NBEAL1: variants seen among roughly 807,000 people sequenced by gnomAD.
NBEAL1 encodes neurobeachin like 1, also known as neurobeachin-like protein 1.
NBEAL1 carries 273 observed loss-of-function variants against 351.3 expected under a neutral mutation model. The observed-to-expected ratio is 0.78, with a 90% confidence interval of 0.70 to 0.86. The LOEUF (loss-of-function observed/expected upper bound fraction) is 0.86, where lower values mean the gene tolerates loss of function less well. Among genes scored for constraint, NBEAL1 ranks in the 40% least tolerant of loss-of-function variants. NBEAL1 has a pLI of 0.00. For synonymous variants in NBEAL1, 1,050 were observed against 1,086.4 expected (o/e 0.97, Z 0.66); for missense variants, 2,961 against 3,201.3 (o/e 0.92, Z 1.81).
intron 52 of NBEAL1, 91 bp from the exon 53 acceptor site, chr2:203,209,070 C>T (rs2065694911): frequency 9.5e-7 from 1 of 1,050,238 alleles, no homozygotes; most frequent in East Asian, 2.5e-5. Context: ...GTTCCTTTCC[C>T]ACATTTCTTT....
At chr2:203,021,083 G>T (rs1020210159) in intron 2 of NBEAL1, among the ~76,000 whole-genome samples, 10 of 151,932 alleles carry the variant, frequency 6.6e-5, no homozygotes, top group Non-Finnish European at 1.3e-4. Flanking sequence ...CATGCCACCA[G>T]GCCCAGCTAA....
intron 20 of NBEAL1, among the ~76,000 whole-genome samples, 155 bp downstream of exon 20, chr2:203,125,675 T>TA (rs538189404): frequency 3.9e-5 from 6 of 152,208 alleles, no homozygotes; most frequent in Non-Finnish European, 8.8e-5. Flanking sequence ...AGAAAGTTTA[T>TA]AATACTTTCA....
chr2:203,045,030 A>T (rs1166619431), intron 3 of NBEAL1, among the ~76,000 whole-genome samples: 1 of 152,208 alleles, frequency 6.6e-6, no homozygotes, highest in Non-Finnish European at 1.5e-5. Context: ...TTAAATGCTC[A>T]TAACGTTAGG....
Position 203,157,842 on chromosome 2 carries a change from A to T in NBEAL1, c.5714+17A>T. 1 of 1,490,078 alleles carries T rather than the reference A, an allele frequency of 6.7e-7. No individual in the cohort carries two copies. The highest frequency in any genetic ancestry group is 1.4e-5 in the South Asian group (1 of 70,630). The allele number at this position is 1,490,078 out of a possible 1,614,324, so 92.3% of individuals were successfully genotyped here. ...AGTAAATGTGTATGTATAAATATTT[A>T]AAATTATTTTGTTCTGAGAAAGGGG... On this transcript the variant is annotated intron_variant, in intron 36 of 55. Coordinates refer to ENST00000683969, the MANE Select transcript of NBEAL1 (RefSeq NM_001378026.1).
chr2:203,098,535 A>T (rs2062233910), intron 11 of NBEAL1, among the ~76,000 whole-genome samples: 1 of 152,170 alleles, frequency 6.6e-6, no homozygotes, highest in Admixed American at 6.5e-5. Context: ...CTATGCTTTC[A>T]TGATTGTCTA....
intron 10 of NBEAL1, among the ~76,000 whole-genome samples, chr2:203,093,101 A>T (rs2062098879): frequency 6.6e-6 from 1 of 151,808 alleles, no homozygotes; most frequent in African/African-American, 2.4e-5. Flanking sequence ...CCGTGGTGGT[A>T]CATGCCTGTA....
chr2:203,178,204 G>A (rs1160521342), intron 42 of NBEAL1, among the ~76,000 whole-genome samples: 21 of 136,804 alleles, frequency 1.5e-4, no homozygotes, highest in African/African-American at 2.8e-4. Flanking sequence ...TCACTCTGTC[G>A]CCCAGGCTGG....
chr2:203,022,009 C>A (rs995171962), intron 2 of NBEAL1, among the ~76,000 whole-genome samples: 1 of 151,686 alleles, frequency 6.6e-6, no homozygotes, highest in East Asian at 1.9e-4. Flanking sequence ...TGAGATCTCG[C>A]CACTACACTG....
At chr2:203,097,092 A>G (rs2062201759) in intron 10 of NBEAL1, among the ~76,000 whole-genome samples, 1 of 152,170 alleles carries the variant, frequency 6.6e-6, no homozygotes, top group Admixed American at 6.5e-5. Flanking sequence ...GAGAAGAGAG[A>G]TTGTGCAGGG....
At chr2:203,118,740 T>G (rs2062756539) in intron 18 of NBEAL1, among the ~76,000 whole-genome samples, 1 of 151,944 alleles carries the variant, frequency 6.6e-6, no homozygotes, top group African/African-American at 2.4e-5. Flanking sequence ...TACAGGCACG[T>G]ACCACCACAC....
chr2:203,180,054 G>A (rs929885718), intron 42 of NBEAL1, among the ~76,000 whole-genome samples: 3 of 152,164 alleles, frequency 2.0e-5, no homozygotes, highest in South Asian at 2.1e-4. Context: ...AATTATAGGC[G>A]TGAGCCACTG....
chr2:203,030,580 G>C (rs1361019417), intron 2 of NBEAL1, among the ~76,000 whole-genome samples: 1 of 152,102 alleles, frequency 6.6e-6, no homozygotes, highest in Non-Finnish European at 1.5e-5. Flanking sequence ...TACAACTTTG[G>C]CATAAGGATC....
intron 44 of NBEAL1, among the ~76,000 whole-genome samples, chr2:203,187,771 T>C (rs984001590): frequency 6.6e-6 from 1 of 152,018 alleles, no homozygotes; most frequent in Non-Finnish European, 1.5e-5. Flanking sequence ...AATAGTTCAC[T>C]TTTTAACCGA....
chr2:203,023,966 G>A (rs2060811428), intron 2 of NBEAL1, among the ~76,000 whole-genome samples: 1 of 152,070 alleles, frequency 6.6e-6, no homozygotes. Flanking sequence ...AAATAAATAG[G>A]TGACAGAGGA....
At chr2:203,116,140 C>A in intron 18 of NBEAL1, 70 bp downstream of exon 18, 2 of 1,030,010 alleles carry the variant, frequency 1.9e-6, no homozygotes, top group African/African-American at 1.6e-5. Flanking sequence ...TTTTCTATTC[C>A]TTTTGTCATT....
chr2:203,157,848 A>C, intron 36 of NBEAL1, 23 bp downstream of exon 36: 1 of 1,475,540 alleles, frequency 6.8e-7, no homozygotes, highest in Non-Finnish European at 9.0e-7. Context: ...ATTTAAAATT[A>C]TTTTGTTCTG....
At chr2:203,074,917 A>G (rs72934519) in intron 7 of NBEAL1, 14,317 of 152,690 alleles carry the variant, frequency 0.094, 779 homozygotes, top group Non-Finnish European at 0.13. Context: ...AGGGATTTTG[A>G]TGCTGGCATA....
chr2:203,083,630 T>A, intron 9 of NBEAL1, 105 bp downstream of exon 9: 1 of 869,068 alleles, frequency 1.2e-6, no homozygotes, highest in Non-Finnish European at 1.7e-6. Flanking sequence ...ATTGATTGTT[T>A]AATTCAGATA....
chr2:203,107,740 A>C lies in NBEAL1; in HGVS notation c.1501A>C (p.Arg501=). The part of the protein sequence containing the change: ...LQIFISDWLK[R]ICCINRQSRT... ...AATCTTCATCTCTGATTGGCTGAAA[A>C]GAATTTGTTGTATTAATAGACAGAG... Residue 501 remains arginine (R), a synonymous_variant, in exon 14 of 56, where the codon AGA becomes CGA. Coordinates refer to ENST00000683969, the MANE Select transcript of NBEAL1 (RefSeq NM_001378026.1). 1 of 1,553,972 alleles carries C rather than the reference A, an allele frequency of 6.4e-7. No individual in the cohort carries two copies. The highest frequency in any genetic ancestry group is 1.2e-5 in the South Asian group (1 of 84,218).
Sources: gnomAD v4.1 joint callset for allele counts (sites outside exome capture counted in the v4.1 genomes callset) on GRCh38, gnomAD v4.1.1 for gene constraint, MANE v1.5 for transcripts, NCBI Gene and HGNC (gene_info 2026-07-23, HGNC 2026-07-21) for gene names.